The following HIBADH variants were observed in gnomAD, a reference collection of about 807,000 sequenced individuals.
HIBADH encodes 3-hydroxyisobutyrate dehydrogenase, also known as 3-hydroxyisobutyrate dehydrogenase, mitochondrial.
HIBADH carries 25 observed loss-of-function variants against 36.1 expected under a neutral mutation model. That is an observed-to-expected ratio of 0.69 (90% CI 0.50 to 0.97). The LOEUF (loss-of-function observed/expected upper bound fraction) is 0.97. Ranked by LOEUF, HIBADH falls within the 50% of genes least tolerant of loss-of-function variation. HIBADH has a pLI of 0.00. For synonymous variants in HIBADH, 160 were observed against 149.5 expected, an observed-to-expected ratio of 1.07 and a Z score of -0.51; for missense variants, 421 against 418.0, an observed-to-expected ratio of 1.01 and a Z score of -0.06.
At chr7:27,585,809 C>T (rs1003901883) in intron 4 of HIBADH, among the ~76,000 whole-genome samples, 2 of 151,822 alleles carry the variant, frequency 1.3e-5, no homozygotes, top group Non-Finnish European at 1.5e-5. Context: ...GTTTTCCTGC[C>T]CTTAAAAATG....
chr7:27,646,533 T>C (rs2391452), intron 2 of HIBADH, among the ~76,000 whole-genome samples: 114,804 of 151,532 alleles, frequency 0.76, 43,911 homozygotes, highest in East Asian at 0.94. Flanking sequence ...CTATGTTTTC[T>C]GGTTTGTTTT....
At chr7:27,658,868 G>T (rs549272291) in intron 1 of HIBADH, among the ~76,000 whole-genome samples, 1 of 152,054 alleles carries the variant, frequency 6.6e-6, no homozygotes, top group Non-Finnish European at 1.5e-5. Context: ...TAAACTAAGG[G>T]TGACGACTTT....
chr7:27,639,718 T>C (rs1264996834), intron 2 of HIBADH, among the ~76,000 whole-genome samples: 1 of 151,182 alleles, frequency 6.6e-6, no homozygotes, highest in Non-Finnish European at 1.5e-5. Context: ...AACTTCCCTC[T>C]GATTTTGTTT....
chr7:27,636,226 A>G (rs1583612034), intron 2 of HIBADH, among the ~76,000 whole-genome samples: 1 of 152,326 alleles, frequency 6.6e-6, no homozygotes, highest in East Asian at 1.9e-4. Context: ...TAAAACAGTC[A>G]CATAAGTTAA....
In HIBADH at chr7:27,599,475, G is replaced by A. The variant is rs551911272; in HGVS notation, c.484+29896C>T. Among the ~76,000 whole-genome samples, 1,080 of 152,046 alleles carry A rather than the reference G, an allele frequency of 7.1e-3. 4 individuals carry two copies. Among genetic ancestry groups the A allele is most frequent in the Admixed American group, 0.011 (175 of 15,272 alleles). On this transcript the variant is annotated intron_variant, in intron 4 of 7. Coordinates refer to ENST00000265395, the MANE Select transcript of HIBADH (RefSeq NM_152740.4). ...AGGCGGGCTGATCACGAGGTCAGGA[G>A]ATCGAGACGATCCTGGCTAACACGG...
intron 4 of HIBADH, among the ~76,000 whole-genome samples, chr7:27,602,997 C>T (rs1785158282): frequency 6.6e-6 from 1 of 152,140 alleles, no homozygotes; most frequent in African/African-American, 2.4e-5. Context: ...GGTTAATTTA[C>T]ATCAGATACA....
At chr7:27,660,670 A>AG (rs1786399036) in intron 1 of HIBADH, among the ~76,000 whole-genome samples, 1 of 152,074 alleles carries the variant, frequency 6.6e-6, no homozygotes, top group Non-Finnish European at 1.5e-5. Context: ...GAGGGAAAAA[A>AG]AAAAATTTTT....
At chr7:27,570,469 C>T (rs1015049140) in intron 4 of HIBADH, among the ~76,000 whole-genome samples, 1 of 152,000 alleles carries the variant, frequency 6.6e-6, no homozygotes, top group East Asian at 1.9e-4. Context: ...TATTTTTACA[C>T]GATATTCTAG....
intron 6 of HIBADH, among the ~76,000 whole-genome samples, chr7:27,537,031 TTAGTC>T (rs1401798076): frequency 1.3e-5 from 2 of 152,170 alleles, no homozygotes; most frequent in African/African-American, 4.8e-5. Flanking sequence ...TTCCATGAAA[TTAGTC>T]TAGAGAATGA....
At chr7:27,615,816 C>T (rs1785414852) in intron 4 of HIBADH, among the ~76,000 whole-genome samples, 1 of 151,856 alleles carries the variant, frequency 6.6e-6, no homozygotes, top group African/African-American at 2.4e-5. Context: ...ATAAAAAAAC[C>T]CCAGGCAGGT....
At chr7:27,591,613 G>A (rs956636101) in intron 4 of HIBADH, among the ~76,000 whole-genome samples, 3 of 151,928 alleles carry the variant, frequency 2.0e-5, no homozygotes, top group African/African-American at 4.8e-5. Context: ...AGTGAAGAGC[G>A]TGGGAACTTT....
chr7:27,603,400 C>T (rs2110528), intron 4 of HIBADH, among the ~76,000 whole-genome samples: 115,332 of 152,052 alleles, frequency 0.76, 44,174 homozygotes, highest in East Asian at 0.94. Flanking sequence ...TCTATCTCTA[C>T]AATCTTTATG....
chr7:27,632,075 G>C (rs1785755729), intron 3 of HIBADH, among the ~76,000 whole-genome samples: 1 of 152,064 alleles, frequency 6.6e-6, no homozygotes, highest in African/African-American at 2.4e-5. Context: ...TCTTAAACAT[G>C]TTACTAGTGA....
rs141468103 is a variant in HIBADH at position 27,541,849 on chromosome 7, T to C, written c.618+1118A>G. 8 of 342,180 alleles carry C rather than the reference T, an allele frequency of 2.3e-5. No homozygotes were observed. In the Admixed American group the frequency reaches 3.3e-4, roughly 14 times the overall value. 21.2% of individuals were successfully genotyped at this position (342,180 alleles called of 1,614,324 possible). ...AAGAGATGAACCACTCACACAAAGA[T>C]GATTAGTGTCACATGACATTTTATG... On this transcript the variant is annotated intron_variant, in intron 5 of 7. Transcript: ENST00000265395.
At chr7:27,586,185 T>C (rs921549347) in intron 4 of HIBADH, among the ~76,000 whole-genome samples, 5 of 152,250 alleles carry the variant, frequency 3.3e-5, no homozygotes, top group African/African-American at 7.2e-5. Context: ...GTTGCAAATA[T>C]GCAAAAACAG....
At chr7:27,612,974 TTATA>T (rs1210193885) in intron 4 of HIBADH, among the ~76,000 whole-genome samples, 3 of 137,886 alleles carry the variant, frequency 2.2e-5, no homozygotes, top group Non-Finnish European at 4.6e-5. Context: ...TATATATATA[TTATA>T]TATATATTTT....
intron 6 of HIBADH, 105 bp downstream of exon 6, chr7:27,538,236 T>C (rs963873991): frequency 1.2e-6 from 1 of 858,808 alleles, no homozygotes. Context: ...AAAATGTTCT[T>C]GGATCAACTC....
At chr7:27,599,491 G>C (rs998439799) in intron 4 of HIBADH, among the ~76,000 whole-genome samples, 1 of 151,754 alleles carries the variant, frequency 6.6e-6, no homozygotes, top group African/African-American at 2.4e-5. Context: ...GACGATCCTG[G>C]CTAACACGGT....
chr7:27,593,554 A>T (rs984706316), intron 4 of HIBADH, among the ~76,000 whole-genome samples: 2 of 152,206 alleles, frequency 1.3e-5, no homozygotes, highest in Non-Finnish European at 2.9e-5. Context: ...AACCAAAGCT[A>T]CCACTGTGTT....
Sources: gnomAD v4.1 joint callset for allele counts (sites outside exome capture counted in the v4.1 genomes callset) on GRCh38, gnomAD v4.1.1 for gene constraint, MANE v1.5 for transcripts, NCBI Gene and HGNC (gene_info 2026-07-23, HGNC 2026-07-21) for gene names.